HEATR5A: variants seen among roughly 807,000 people sequenced by gnomAD.
HEATR5A encodes HEAT repeat-containing protein 5A.
In HEATR5A, 178 loss-of-function variants were observed where a neutral mutation model predicts 218.8. The observed-to-expected ratio is 0.81, with a 90% CI of 0.72 to 0.92. The LOEUF is 0.92. HEATR5A is among the 40% of genes least tolerant of loss of function. The probability of loss-of-function intolerance (pLI) is 0.00; values close to 1 mark genes in which losing one functional copy is unlikely to be tolerated. For missense variants in HEATR5A, 2,420 were observed against 2,418.9 expected, an observed-to-expected ratio of 1.00 and a Z score of -0.01; for synonymous variants, 864 against 871.6, an observed-to-expected ratio of 0.99 and a Z score of 0.15.
intron 34 of HEATR5A, among the ~76,000 whole-genome samples, chr14:31,294,758 A>C (rs75877280): frequency 1.3e-5 from 2 of 152,162 alleles, no homozygotes; most frequent in African/African-American, 2.4e-5. Flanking sequence ...AAACAAAAAA[A>C]CACCCAAAAC....
intron 11 of HEATR5A, 117 bp from the exon 12 acceptor site, chr14:31,375,085 G>A (rs1595151273): frequency 1.2e-6 from 1 of 828,884 alleles, no homozygotes; most frequent in East Asian, 2.7e-5. Context: ...GCAACATTTT[G>A]TCCCCTTTCT....
At chr14:31,346,912 G>T (rs909001074) in intron 19 of HEATR5A, among the ~76,000 whole-genome samples, 2 of 152,282 alleles carry the variant, frequency 1.3e-5, no homozygotes, top group Non-Finnish European at 2.9e-5. Flanking sequence ...GGAGAATGAT[G>T]ATTTTACTGA....
In HEATR5A at chr14:31,296,096, T is replaced by C. The variant is rs367727264; in HGVS notation, c.5465-33A>G. On this transcript the variant is annotated intron_variant, in intron 33 of 35. Transcript: ENST00000543095. ...GAAATGCTCTATTAGAAACAGTTCA[T>C]ATTTACTGCTTTATATACCTGTGTG... is the stretch of plus-strand genomic sequence containing the variant. The C allele has an allele frequency of 2.5e-5, 39 of 1,583,232 alleles. No individual in the cohort carries two copies. In the East Asian group the frequency reaches 2.9e-4, roughly 12 times the overall value.
At chr14:31,295,557 CTTTTTTTTTTTTTT>C (rs766889885) in intron 34 of HEATR5A, 1 of 108,542 alleles carries the variant, frequency 9.2e-6, no homozygotes, top group Non-Finnish European at 2.0e-5. Context: ...GCCTCCCTTT[CTTTTTTTTTTTTTT>C]TTTTTTTTTT....
At chr14:31,311,044 A>ACCAG (rs1257434234) in intron 28 of HEATR5A, among the ~76,000 whole-genome samples, 1 of 150,822 alleles carries the variant, frequency 6.6e-6, no homozygotes, top group African/African-American at 2.4e-5. Flanking sequence ...CAACCAACCA[A>ACCAG]CCAACCAACC....
chr14:31,344,370 C>T (rs578104155), intron 20 of HEATR5A, among the ~76,000 whole-genome samples: 6 of 149,178 alleles, frequency 4.0e-5, no homozygotes, highest in Non-Finnish European at 5.9e-5. Context: ...CCCCGGCTTC[C>T]GGGTTCAAGT....
At chr14:31,399,556 G>A (rs1487956729) in intron 3 of HEATR5A, among the ~76,000 whole-genome samples, 1 of 152,212 alleles carries the variant, frequency 6.6e-6, no homozygotes, top group African/African-American at 2.4e-5. Flanking sequence ...GTGGCCAGGT[G>A]CAATGGCTCA....
chr14:31,357,204 A>C (rs1901454711), intron 16 of HEATR5A, among the ~76,000 whole-genome samples: 1 of 152,224 alleles, frequency 6.6e-6, no homozygotes, highest in Non-Finnish European at 1.5e-5. Context: ...TATCTTTTGA[A>C]ACTGAAGCTA....
At chr14:31,349,759 C>T (rs747524039) in intron 18 of HEATR5A, 30 bp downstream of exon 18, 2 of 1,494,824 alleles carry the variant, frequency 1.3e-6, no homozygotes, top group Non-Finnish European at 1.9e-6. Context: ...GAAACATAGC[C>T]TCTGAATATT....
In HEATR5A at chr14:31,386,510, G is replaced by GTTGGC; in HGVS notation, c.1250_1254dup (p.His419AlafsTer51). The GTTGGC allele has an allele frequency of 6.2e-7, 1 of 1,611,680 alleles. No individual in the cohort carries two copies. The highest frequency in any genetic ancestry group is 1.7e-5 in the Admixed American group (1 of 59,360). ...TCTTGTAAAGCACAAACCAGCATATGTTGGCTAGCGGCTACATCTGTGGAA... is the reference window on the plus strand; with the variant it reads ...TCTTGTAAAGCACAAACCAGCATATGTTGGCTTGGCTAGCGGCTACATCTGTGGAA... On this transcript the variant is annotated frameshift_variant, in exon 9 of 36. Coordinates refer to ENST00000543095, the MANE Select transcript of HEATR5A (RefSeq NM_015473.4). LOFTEE classifies it high-confidence loss of function.
At chr14:31,318,484 T>C (rs1435505482) in intron 25 of HEATR5A, among the ~76,000 whole-genome samples, 192 bp from the exon 26 acceptor site, 1 of 152,198 alleles carries the variant, frequency 6.6e-6, no homozygotes, top group African/African-American at 2.4e-5. Flanking sequence ...AACGATCTTC[T>C]CTCCCCCTTT....
At chr14:31,417,081 A>C (rs1278259592) in intron 1 of HEATR5A, among the ~76,000 whole-genome samples, 1 of 152,122 alleles carries the variant, frequency 6.6e-6, no homozygotes, top group East Asian at 1.9e-4. Flanking sequence ...ACAAATAAAT[A>C]AAACAAAAAA....
intron 1 of HEATR5A, among the ~76,000 whole-genome samples, chr14:31,418,267 C>T (rs931389529): frequency 3.3e-5 from 5 of 152,064 alleles, no homozygotes; most frequent in African/African-American, 1.2e-4. Context: ...AATCTATTTC[C>T]TCCTACAAAA....
At chr14:31,359,279 AGTGTAAGAGTGTGTGTGTGT>A (rs761465376) in intron 14 of HEATR5A, among the ~76,000 whole-genome samples, 243 of 102,698 alleles carry the variant, frequency 2.4e-3, no homozygotes, top group Middle Eastern at 4.6e-3. Context: ...AACATCTCAA[AGTGTAAGAGTGTGTGTGTGT>A]GTGTGTGTGT....
intron 1 of HEATR5A, among the ~76,000 whole-genome samples, chr14:31,419,182 A>C (rs910122777): frequency 1.3e-5 from 2 of 152,148 alleles, no homozygotes; most frequent in African/African-American, 4.8e-5. Flanking sequence ...ATAGTCATCT[A>C]GGTAAAACAA....
At position 31,362,606 on chromosome 14, in the gene HEATR5A, C is replaced by CAAA. The variant is rs71115003; in HGVS notation, c.2071+1580_2071+1582dup. 8.8e-3 allele frequency among the ~76,000 whole-genome samples: 395 copies of CAAA among 44,748 alleles called. 15 individuals carry two copies. The highest frequency in any genetic ancestry group is 0.012 in the Non-Finnish European group (331 of 27,470). 29.4% of individuals were successfully genotyped at this position (44,748 alleles called of 152,430 possible). On this transcript the variant is annotated intron_variant, in intron 14 of 35. Transcript: ENST00000543095. ...AGCAAGACCTCATCTCTACAAATGA[C>CAAA]AAAAAAAAAAAAAAAAAAAAAAAAA...
intron 1 of HEATR5A, among the ~76,000 whole-genome samples, chr14:31,404,903 C>A (rs900304410): frequency 2.9e-4 from 43 of 150,076 alleles, no homozygotes; most frequent in Admixed American, 2.7e-4. Flanking sequence ...AAGAGTGAGA[C>A]CCTGTCTCAA....
intron 1 of HEATR5A, among the ~76,000 whole-genome samples, chr14:31,419,337 TTATC>T (rs1345654543): frequency 1.3e-5 from 2 of 152,172 alleles, no homozygotes; most frequent in Non-Finnish European, 2.9e-5. Context: ...CTTCGATACT[TTATC>T]TAAAATTACT....
Position 31,313,188 on chromosome 14 carries a change from G to T in HEATR5A, c.4221C>A (p.Val1407=). The T allele has an allele frequency of 6.2e-7, 1 of 1,607,700 alleles. No homozygotes were observed. Among genetic ancestry groups the T allele is most frequent in the South Asian group, 1.1e-5 (1 of 90,636 alleles). ...ILAVLKAWAE[V]YIIAVQRHKN... is the part of the protein sequence containing the mutation. ...TATGTCTTTGCACAGCAATTATGTAGACCTGTTAAAGGTTAATTTAAAAAC... is the reference window on the plus strand; with the variant it reads ...TATGTCTTTGCACAGCAATTATGTATACCTGTTAAAGGTTAATTTAAAAAC... Residue 1407 remains valine (V), a splice_region_variant and synonymous_variant, in exon 28 of 36, where the codon GTC becomes GTA. Coordinates refer to ENST00000543095, the MANE Select transcript of HEATR5A (RefSeq NM_015473.4).
Sources: gnomAD v4.1 joint callset for allele counts (sites outside exome capture counted in the v4.1 genomes callset) on GRCh38, gnomAD v4.1.1 for gene constraint, MANE v1.5 for transcripts, NCBI Gene and HGNC (gene_info 2026-07-23, HGNC 2026-07-21) for gene names.